DIAPH2: variants seen among roughly 807,000 people sequenced by gnomAD.
The protein encoded by DIAPH2 is protein diaphanous homolog 2.
A neutral mutation model predicts 92.7 loss-of-function variants in DIAPH2; 35 were observed. That is an observed-to-expected ratio of 0.38 (90% CI 0.29 to 0.50). DIAPH2 has a LOEUF of 0.50. Among genes scored for constraint, DIAPH2 ranks in the 20% least tolerant of loss-of-function variants. The pLI is 0.94. For missense variants in DIAPH2, 701 were observed against 819.5 expected, an observed-to-expected ratio of 0.86 and a Z score of 1.77; for synonymous variants, 301 against 280.4, an observed-to-expected ratio of 1.07 and a Z score of -0.73.
intron 26 of DIAPH2, among the ~76,000 whole-genome samples, chrX:97,438,972 A>G (rs756296181): frequency 1.8e-5 from 2 of 112,149 alleles, no homozygotes; most frequent in Non-Finnish European, 3.8e-5. Context: ...AGTGATTTGT[A>G]GTTGTGTGAT....
chrX:97,227,540 C>G (rs1168142178), intron 22 of DIAPH2, among the ~76,000 whole-genome samples: 2 of 111,791 alleles, frequency 1.8e-5, no homozygotes, highest in Non-Finnish European at 3.8e-5. Flanking sequence ...AGAAATATAA[C>G]TTTTTTGATA....
At chrX:96,696,063 T>G (rs1283054819) in intron 1 of DIAPH2, among the ~76,000 whole-genome samples, 2 of 111,741 alleles carry the variant, frequency 1.8e-5, no homozygotes, top group Non-Finnish European at 3.8e-5. Context: ...TATTAAGTGT[T>G]TTTTAGGAGT....
intron 23 of DIAPH2, among the ~76,000 whole-genome samples, chrX:97,336,683 A>G (rs2069065053): frequency 8.9e-6 from 1 of 112,175 alleles, no homozygotes. Flanking sequence ...ATCAGCACCT[A>G]GAAGATACCT....
chrX:96,760,998 C>T (rs1467351681), intron 4 of DIAPH2, among the ~76,000 whole-genome samples: 2 of 110,447 alleles, frequency 1.8e-5, no homozygotes, highest in Admixed American at 9.6e-5. Context: ...GATAATTTGA[C>T]CACAAATAAC....
intron 3 of DIAPH2, among the ~76,000 whole-genome samples, chrX:96,741,366 A>T (rs1478922136): frequency 4.7e-5 from 5 of 106,917 alleles, no homozygotes; most frequent in Non-Finnish European, 9.6e-5. Context: ...TTCTAAACTC[A>T]CTCCAACCAG....
At chrX:97,174,274 C>CA (rs989386795) in intron 22 of DIAPH2, among the ~76,000 whole-genome samples, 2 of 109,910 alleles carry the variant, frequency 1.8e-5, no homozygotes, top group African/African-American at 3.3e-5. Context: ...CATATATAGT[C>CA]AAAGACCCCC....
chrX:97,475,131 T>C (rs192757008), intron 26 of DIAPH2, among the ~76,000 whole-genome samples: 1 of 112,174 alleles, frequency 8.9e-6, no homozygotes, highest in Non-Finnish European at 1.9e-5. Context: ...TGCTGCCTTA[T>C]CTGACAGGTA....
intron 25 of DIAPH2, among the ~76,000 whole-genome samples, chrX:97,408,865 A>G (rs2069837448): frequency 8.9e-6 from 1 of 112,282 alleles, no homozygotes. Flanking sequence ...CAAAATGATA[A>G]AGACAAGTAG....
At chrX:97,393,110 G>T (rs1335505169) in intron 25 of DIAPH2, among the ~76,000 whole-genome samples, 1 of 111,114 alleles carries the variant, frequency 9.0e-6, no homozygotes, top group African/African-American at 3.3e-5. Context: ...CACAAGAAAG[G>T]AGAGGAGACT....
At chrX:97,199,899 A>G (rs2067733418) in intron 22 of DIAPH2, among the ~76,000 whole-genome samples, 1 of 111,453 alleles carries the variant, frequency 9.0e-6, no homozygotes, top group Admixed American at 9.5e-5. Flanking sequence ...CAAGTATAGT[A>G]AAAGTATACA....
intron 23 of DIAPH2, among the ~76,000 whole-genome samples, chrX:97,323,463 C>T (rs1338756954): frequency 1.1e-4 from 11 of 104,274 alleles, no homozygotes; most frequent in African/African-American, 3.8e-4. Context: ...TGGTGGCGGG[C>T]GCCTGTAGTC....
chrX:96,992,841 A>G (rs1348199536), intron 17 of DIAPH2, among the ~76,000 whole-genome samples: 2 of 111,856 alleles, frequency 1.8e-5, no homozygotes, highest in African/African-American at 6.5e-5. Flanking sequence ...TAAAGAGACT[A>G]TCTTTAAGTG....
intron 26 of DIAPH2, among the ~76,000 whole-genome samples, chrX:97,444,294 A>AG (rs2070287880): frequency 7.8e-5 from 1 of 12,856 alleles, no homozygotes; most frequent in Non-Finnish European, 8.3e-4. Flanking sequence ...AATGAACAGG[A>AG]ATTTTTTTTT....
intron 19 of DIAPH2, among the ~76,000 whole-genome samples, chrX:97,091,919 G>C (rs942729908): frequency 8.9e-6 from 1 of 111,845 alleles, no homozygotes; most frequent in African/African-American, 3.3e-5. Context: ...CTTGTGTTTA[G>C]AAGTTTCCAG....
chrX:97,399,999 T>C (rs958496385), intron 25 of DIAPH2, among the ~76,000 whole-genome samples: 5 of 112,402 alleles, frequency 4.4e-5, no homozygotes, highest in Middle Eastern at 4.6e-3. Flanking sequence ...TAAAGGAGTA[T>C]TTATCTTAGA....
At chrX:96,901,960 A>G (rs1457788898) in intron 5 of DIAPH2, among the ~76,000 whole-genome samples, 1 of 112,020 alleles carries the variant, frequency 8.9e-6, no homozygotes, top group Admixed American at 9.5e-5. Flanking sequence ...CTTTTGCCAT[A>G]TAACAGAGGT....
chrX:97,297,880 C>G (rs1017620720), intron 23 of DIAPH2, among the ~76,000 whole-genome samples: 3 of 110,585 alleles, frequency 2.7e-5, no homozygotes, highest in Admixed American at 2.0e-4. Flanking sequence ...AGTTTATATA[C>G]TACAGTTACC....
intron 21 of DIAPH2, among the ~76,000 whole-genome samples, chrX:97,133,822 A>T (rs1263588741): frequency 8.9e-6 from 1 of 112,025 alleles, no homozygotes; most frequent in African/African-American, 3.2e-5. Context: ...TTCTTTACAT[A>T]CACCCACCAT....
chrX:97,045,522 A>G (rs2066475842), intron 17 of DIAPH2, among the ~76,000 whole-genome samples: 1 of 111,714 alleles, frequency 9.0e-6, no homozygotes, highest in Non-Finnish European at 1.9e-5. Flanking sequence ...ATTACAGGAT[A>G]GAAGCCCTGA....
Sources: gnomAD v4.1 joint callset for allele counts (sites outside exome capture counted in the v4.1 genomes callset) on GRCh38, gnomAD v4.1.1 for gene constraint, MANE v1.5 for transcripts, NCBI Gene and HGNC (gene_info 2026-07-23, HGNC 2026-07-21) for gene names.